GNG4: variants seen among roughly 807,000 people sequenced by gnomAD.
GNG4 encodes the protein guanine nucleotide-binding protein G(I)/G(S)/G(O) subunit gamma-4.
In GNG4, 4 loss-of-function variants were observed where a neutral mutation model predicts 5.8. That is an observed-to-expected ratio of 0.69 (90% CI 0.34 to 1.57). GNG4 has a LOEUF of 1.57. Ranked by LOEUF, GNG4 falls within the 40% of genes most tolerant of loss-of-function variation. The pLI, the probability that GNG4 is intolerant of heterozygous loss-of-function variation, is 0.06. For synonymous variants in GNG4, 29 were observed against 32.9 expected, an observed-to-expected ratio of 0.88 and a Z score of 0.41; for missense variants, 96 against 95.1, an observed-to-expected ratio of 1.01 and a Z score of -0.04.
chr1:235,610,026 C>A (rs1352939939), intron 1 of GNG4, among the ~76,000 whole-genome samples: 1 of 152,174 alleles, frequency 6.6e-6, no homozygotes, highest in Non-Finnish European at 1.5e-5. Flanking sequence ...ACGTTACCAT[C>A]ATCTAATCCT....
intron 2 of GNG4, among the ~76,000 whole-genome samples, chr1:235,590,656 C>T (rs1055075965): frequency 2.6e-5 from 4 of 152,128 alleles, no homozygotes; most frequent in African/African-American, 9.7e-5. Flanking sequence ...CCAGAGTGAT[C>T]CTTAAGCGAT....
At chr1:235,560,817 C>T (rs1471991443) in intron 3 of GNG4, among the ~76,000 whole-genome samples, 2 of 152,194 alleles carry the variant, frequency 1.3e-5, no homozygotes, top group Non-Finnish European at 2.9e-5. Context: ...GATCCCAGTT[C>T]TAGAACTGCT....
intron 2 of GNG4, among the ~76,000 whole-genome samples, chr1:235,591,876 G>C: frequency 6.6e-6 from 1 of 152,240 alleles, no homozygotes; most frequent in East Asian, 1.9e-4. Flanking sequence ...AGATGCAGCA[G>C]AGAACCCGTT....
intron 1 of GNG4, among the ~76,000 whole-genome samples, chr1:235,624,691 A>G (rs1571919496): frequency 6.6e-6 from 1 of 152,152 alleles, no homozygotes; most frequent in Non-Finnish European, 1.5e-5. Flanking sequence ...TTTGCTTAAC[A>G]TTGTGTGCAA....
At chr1:235,636,475 C>T (rs1002419965) in intron 1 of GNG4, among the ~76,000 whole-genome samples, 1 of 152,132 alleles carries the variant, frequency 6.6e-6, no homozygotes, top group Non-Finnish European at 1.5e-5. Context: ...GCCTGCATTC[C>T]CTCATCTTTG....
rs58223568 is a variant in GNG4 at position 235,605,195 on chromosome 1, C to CTTT, written c.-122-9687_-122-9685dup. On this transcript the variant is annotated intron_variant, in intron 1 of 3. Transcript: ENST00000391854. ...GGTGGAGGTGGAATATGATTCCTGC[C>CTTT]TTTTTTTTTTTTTTAAATGGAGTCT... is the stretch of plus-strand genomic sequence containing the variant. Among the ~76,000 whole-genome samples the CTTT allele has an allele frequency of 4.5e-3, 644 of 142,242 alleles. 6 individuals are homozygous for CTTT. The highest frequency in any genetic ancestry group is 0.016 in the African/African-American group (627 of 38,858). 93.3% of individuals were successfully genotyped at this position (142,242 alleles called of 152,430 possible). A position where few individuals can be genotyped will look rare whatever the true frequency, so the allele number is the denominator to read the frequency against.
rs1558491511 is a variant in GNG4, at chr1:235,597,627, TG to T, written c.-122-2117del. ...GTGTGTGTGTGTGTGTGTGTGTGTGTGTATTTTTTTTTTTTTCAGATGGAGT... is the reference window on the plus strand; with the variant it reads ...GTGTGTGTGTGTGTGTGTGTGTGTGTTATTTTTTTTTTTTTCAGATGGAGT... On this transcript the variant is annotated intron_variant, in intron 1 of 3. Coordinates refer to ENST00000391854, the MANE Select transcript of GNG4 (RefSeq NM_001098722.2). Among the ~76,000 whole-genome samples the T allele has an allele frequency of 3.5e-3, 336 of 97,180 alleles. 4 individuals are homozygous for T. Among genetic ancestry groups the T allele is most frequent in the African/African-American group, 0.013 (321 of 24,074 alleles). The allele number at this position is 97,180 out of a possible 152,430, so 63.8% of individuals were successfully genotyped here. A position where few individuals can be genotyped will look rare whatever the true frequency, so the allele number is the denominator to read the frequency against.
chr1:235,555,104 G>A (rs1686864627), intron 3 of GNG4, among the ~76,000 whole-genome samples: 1 of 152,184 alleles, frequency 6.6e-6, no homozygotes, highest in Non-Finnish European at 1.5e-5. Flanking sequence ...ACATGATGAA[G>A]TCACTATAAT....
chr1:235,604,027 C>T (rs1688307307), intron 1 of GNG4, among the ~76,000 whole-genome samples: 1 of 152,184 alleles, frequency 6.6e-6, no homozygotes. Flanking sequence ...TTGCTTCGGC[C>T]TTGCAGGTAG....
In GNG4 at chr1:235,571,695, T is replaced by C. The variant is rs558446510; in HGVS notation, c.99+12045A>G. On this transcript the variant is annotated intron_variant, in intron 3 of 3. Transcript: ENST00000391854. ...ATGTTCTGAGAAATGCCTTGTTAGA[T>C]GATTTCATCACTGTAAGAACATCAC... Among the ~76,000 whole-genome samples, 3 of 152,322 alleles carry C rather than the reference T, an allele frequency of 2.0e-5. No homozygotes were observed. In the East Asian group the frequency reaches 5.8e-4, roughly 29 times the overall value.
chr1:235,573,759 A>C (rs1013508535), intron 3 of GNG4, among the ~76,000 whole-genome samples: 1 of 152,160 alleles, frequency 6.6e-6, no homozygotes, highest in Non-Finnish European at 1.5e-5. Flanking sequence ...CCTGGGTGAC[A>C]GAGTGAGATT....
intron 3 of GNG4, among the ~76,000 whole-genome samples, chr1:235,568,063 C>T (rs780921804): frequency 1.3e-5 from 2 of 152,192 alleles, no homozygotes; most frequent in Non-Finnish European, 2.9e-5. Context: ...CCCTATAAAG[C>T]TTCCTTCCAG....
Position 235,561,301 on chromosome 1 carries a change from G to A in GNG4, c.100-9064C>T, listed in dbSNP as rs140665903. Among the ~76,000 whole-genome samples, 36 of 151,978 alleles carry A rather than the reference G, an allele frequency of 2.4e-4. No individual in the cohort carries two copies. The East Asian group carries it at 5.7e-3, about 24-fold the overall frequency. ...TGGGATTACAGGTGTGAGCCACCGC[G>A]CCCGGCCATTTTGCCCATTTTTTAA... On this transcript the variant is annotated intron_variant, in intron 3 of 3. Coordinates refer to ENST00000391854, the MANE Select transcript of GNG4 (RefSeq NM_001098722.2).
At chr1:235,639,825 C>G (rs4659979) in intron 1 of GNG4, among the ~76,000 whole-genome samples, 80,135 of 152,150 alleles carry the variant, frequency 0.53, 23,556 homozygotes, top group East Asian at 0.85. Context: ...TGTTATAATC[C>G]TCTGTCTCCC....
intron 3 of GNG4, among the ~76,000 whole-genome samples, chr1:235,570,553 T>A (rs1687307413): frequency 6.6e-6 from 1 of 151,862 alleles, no homozygotes; most frequent in South Asian, 2.1e-4. Context: ...CCCGCCATCA[T>A]GCCCAGCTAA....
intron 3 of GNG4, among the ~76,000 whole-genome samples, chr1:235,572,861 T>A (rs1260946811): frequency 2.0e-5 from 3 of 152,094 alleles, no homozygotes; most frequent in Non-Finnish European, 4.4e-5. Flanking sequence ...TGTCGCTGAC[T>A]AAAACAGTTT....
chr1:235,621,255 C>A (rs11800450), intron 1 of GNG4, among the ~76,000 whole-genome samples: 1 of 133,270 alleles, frequency 7.5e-6, no homozygotes, highest in African/African-American at 2.8e-5. Context: ...TTTAATTTTT[C>A]TTTTTTCTTT....
At chr1:235,604,183 C>CG (rs199661116) in intron 1 of GNG4, among the ~76,000 whole-genome samples, 1,525 of 152,282 alleles carry the variant, frequency 0.01, 11 homozygotes, top group Middle Eastern at 0.034. Context: ...CGGTGTTGAC[C>CG]GGCACGTATG....
chr1:235,650,245 CG>C (rs1247746269), upstream of GNG4, among the ~76,000 whole-genome samples: 1 of 20,918 alleles, frequency 4.8e-5, no homozygotes, highest in Admixed American at 5.1e-4. Flanking sequence ...GGGGCGGGGC[CG>C]GGGGGTAAAT....
Sources: allele counts gnomAD v4.1 joint callset (sites outside exome capture counted in the v4.1 genomes callset), GRCh38; gene constraint gnomAD v4.1.1; transcripts MANE v1.5; gene names NCBI Gene and HGNC (gene_info 2026-07-23, HGNC 2026-07-21).